The following PIWIL2 variants were observed in gnomAD, a reference collection of about 807,000 sequenced individuals.
PIWIL2 encodes the protein piwi-like protein 2.
Under a neutral mutation model 116.5 loss-of-function variants are expected in PIWIL2, and 81 were observed. That is an observed-to-expected ratio of 0.70 (90% confidence interval 0.58 to 0.84). The LOEUF is 0.84. Ranked by LOEUF, PIWIL2 falls within the 40% of genes least tolerant of loss-of-function variation. The pLI, the probability that PIWIL2 is intolerant of heterozygous loss-of-function variation, is 0.00. For missense variants in PIWIL2, 1,272 were observed against 1,212.3 expected (o/e 1.05, Z -0.73); for synonymous variants, 489 against 429.5 (o/e 1.14, Z -1.71).
intron 16 of PIWIL2, among the ~76,000 whole-genome samples, chr8:22,312,190 G>C (rs1394969694): frequency 6.6e-6 from 1 of 151,862 alleles, no homozygotes; most frequent in Non-Finnish European, 1.5e-5. Context: ...CCTGAGCCTG[G>C]GGAGGTTGAG....
chr8:22,314,724 A>G (rs1399207143), intron 17 of PIWIL2, among the ~76,000 whole-genome samples: 1 of 152,080 alleles, frequency 6.6e-6, no homozygotes, highest in African/African-American at 2.4e-5. Context: ...GAAAGGGGAA[A>G]GCTATTTTTC....
At chr8:22,349,419 G>GTATGTATGTATATATATA (rs1213621776) in intron 20 of PIWIL2, among the ~76,000 whole-genome samples, 2 of 134,440 alleles carry the variant, frequency 1.5e-5, no homozygotes, top group African/African-American at 5.5e-5. Flanking sequence ...ATGTGTGTGT[G>GTATGTATGTATATATATA]TATATATATA....
chr8:22,347,253 C>T (rs1832249535), intron 20 of PIWIL2, among the ~76,000 whole-genome samples: 1 of 149,366 alleles, frequency 6.7e-6, no homozygotes, highest in Non-Finnish European at 1.5e-5. Flanking sequence ...CACTCTGTCA[C>T]CCAGGCTGGA....
chr8:22,348,215 G>A (rs1292656664), intron 20 of PIWIL2, among the ~76,000 whole-genome samples: 11 of 151,952 alleles, frequency 7.2e-5, no homozygotes, highest in Middle Eastern at 3.2e-3. Flanking sequence ...CAGGAGAATC[G>A]CTTGAACCCG....
At chr8:22,351,523 GTGTTTTTTTTT>G (rs1832361943) in intron 20 of PIWIL2, among the ~76,000 whole-genome samples, 1 of 121,752 alleles carries the variant, frequency 8.2e-6, no homozygotes, top group Admixed American at 9.1e-5. Context: ...GGTTTTTTTG[GTGTTTTTTTTT>G]TGTTTTTTTG....
chr8:22,308,177 G>A (rs2132037991), intron 14 of PIWIL2, 104 bp downstream of exon 14: 2 of 846,918 alleles, frequency 2.4e-6, no homozygotes, highest in South Asian at 6.1e-5. Flanking sequence ...GTTTGTCCAT[G>A]TCATTTAATA....
intron 20 of PIWIL2, among the ~76,000 whole-genome samples, chr8:22,339,850 G>A (rs1171070605): frequency 1.3e-5 from 2 of 152,006 alleles, no homozygotes; most frequent in Non-Finnish European, 2.9e-5. Context: ...TATACAAATA[G>A]TAAACACATG....
intron 20 of PIWIL2, among the ~76,000 whole-genome samples, chr8:22,342,292 T>A (rs1832128630): frequency 6.6e-6 from 1 of 152,216 alleles, no homozygotes; most frequent in Admixed American, 6.5e-5. Context: ...CAAGTTATTT[T>A]GTGGATATCA....
chr8:22,280,412 A>G (rs1018626921), intron 2 of PIWIL2, among the ~76,000 whole-genome samples: 1 of 152,224 alleles, frequency 6.6e-6, no homozygotes, highest in African/African-American at 2.4e-5. Flanking sequence ...TTTAAGAATA[A>G]TATTTGTCTA....
At position 22,279,013 on chromosome 8, in the gene PIWIL2, A is replaced by T. The variant is rs937058470; in HGVS notation, c.-46-328A>T. ...ATTATTATATTTCATTATCTATTAT[A>T]ATGTAATAATAGAAATAAAGTACAC... On this transcript the variant is annotated intron_variant, in intron 1 of 22. Transcript: ENST00000356766. 3.3e-5 allele frequency among the ~76,000 whole-genome samples: 5 copies of T among 152,172 alleles called. No homozygotes were observed. The East Asian group carries it at 7.7e-4, about 23-fold the overall frequency.
chr8:22,317,902 C>G (rs1176687655), intron 19 of PIWIL2, among the ~76,000 whole-genome samples: 1 of 152,174 alleles, frequency 6.6e-6, no homozygotes, highest in African/African-American at 2.4e-5. Context: ...ACCTCGTGAT[C>G]TGTCCACCTT....
In PIWIL2 at chr8:22,308,087, C is replaced by T. The variant is rs755366818; in HGVS notation, c.1686+14C>T. On this transcript the variant is annotated intron_variant, in intron 14 of 22. Coordinates refer to ENST00000356766, the MANE Select transcript of PIWIL2 (RefSeq NM_018068.5). The stretch of plus-strand genomic sequence containing the variant: ...GATGTACATAAGGTAAACCAAAAAA[C>T]GTGATGGTGTATGCACATGTACAGA... 2.0e-5 allele frequency: 32 copies of T among 1,609,532 alleles called. No individual in the cohort carries two copies. The highest frequency in any genetic ancestry group is 4.5e-5 in the East Asian group (2 of 44,836).
At chr8:22,325,633 G>A (rs976385159) in intron 20 of PIWIL2, among the ~76,000 whole-genome samples, 31 of 151,690 alleles carry the variant, frequency 2.0e-4, no homozygotes, top group East Asian at 1.2e-3. Flanking sequence ...ACAAGCGTGC[G>A]CCACCACACC....
intron 2 of PIWIL2, 44 bp from the exon 3 acceptor site, chr8:22,281,076 G>GT: frequency 8.1e-7 from 1 of 1,240,216 alleles, no homozygotes; most frequent in Non-Finnish European, 1.2e-6. Flanking sequence ...TGTTTCTGGG[G>GT]TTTTAAACTA....
At chr8:22,339,369 G>A (rs1024753438) in intron 20 of PIWIL2, among the ~76,000 whole-genome samples, 4 of 151,956 alleles carry the variant, frequency 2.6e-5, no homozygotes, top group African/African-American at 9.7e-5. Flanking sequence ...TTAGCTGGGC[G>A]TGGTGGCCCG....
intron 5 of PIWIL2, among the ~76,000 whole-genome samples, chr8:22,283,958 A>C (rs554387035): frequency 2.0e-5 from 3 of 152,306 alleles, no homozygotes; most frequent in South Asian, 2.1e-4. Flanking sequence ...GACCTTGCTT[A>C]TCTAATTAGG....
chr8:22,303,389 CAATT>C (rs1216958490), intron 10 of PIWIL2, among the ~76,000 whole-genome samples: 3 of 152,116 alleles, frequency 2.0e-5, no homozygotes, highest in South Asian at 2.1e-4. Context: ...AAATTTTAAA[CAATT>C]AATTTTAATT....
intron 10 of PIWIL2, among the ~76,000 whole-genome samples, chr8:22,293,362 G>A (rs548804596): frequency 7.9e-5 from 12 of 151,972 alleles, no homozygotes; most frequent in African/African-American, 2.9e-4. Flanking sequence ...TTTTTGAGAT[G>A]GAGTTTCACT....
Position 22,355,579 on chromosome 8 carries a change from C to A in PIWIL2, c.*74C>A. The A allele has an allele frequency of 7.4e-7, 1 of 1,353,534 alleles. No individual in the cohort carries two copies. The highest frequency in any genetic ancestry group is 1.0e-6 in the Non-Finnish European group (1 of 963,900). 83.8% of individuals were successfully genotyped at this position (1,353,534 alleles called of 1,614,324 possible). ...TCAGCTGTGACTCTTGCAGAATCAA[C>A]AGAGACTGAAGTGGGCTTTTGTGTT... On this transcript the variant is annotated 3_prime_UTR_variant, in exon 23 of 23. Transcript: ENST00000356766.
Sources: allele counts gnomAD v4.1 joint callset (sites outside exome capture counted in the v4.1 genomes callset), GRCh38; gene constraint gnomAD v4.1.1; transcripts MANE v1.5; gene names NCBI Gene and HGNC (gene_info 2026-07-23, HGNC 2026-07-21).